Variants in NEBL observed in about 807,000 individuals in gnomAD.
NEBL encodes the protein nebulette.
Under a neutral mutation model 140.2 loss-of-function variants are expected in NEBL, and 122 were observed. That is an observed-to-expected ratio of 0.87 (90% CI 0.75 to 1.01). The LOEUF (loss-of-function observed/expected upper bound fraction) is 1.01. NEBL is among the 50% of genes least tolerant of loss of function. NEBL has a pLI of 0.00. For synonymous variants in NEBL, 436 were observed against 398.9 expected (o/e 1.09, Z -1.11); for missense variants, 1,365 against 1,231.3 (o/e 1.11, Z -1.62).
chr10:21,135,331 C>A (rs1839303310), intron 2 of NEBL, among the ~76,000 whole-genome samples: 1 of 152,186 alleles, frequency 6.6e-6, no homozygotes, highest in Middle Eastern at 3.2e-3. Flanking sequence ...CCCTTAACTC[C>A]TTTGTGTGGT....
At chr10:20,885,669 C>G (rs549145525) in intron 4 of NEBL, among the ~76,000 whole-genome samples, 28 of 152,274 alleles carry the variant, frequency 1.8e-4, no homozygotes, top group African/African-American at 6.0e-4. Flanking sequence ...ATGGAAACAT[C>G]GGAAAAGTTA....
chr10:20,890,203 A>G (rs1296223527), intron 2 of NEBL, among the ~76,000 whole-genome samples: 1 of 152,156 alleles, frequency 6.6e-6, no homozygotes, highest in African/African-American at 2.4e-5. Flanking sequence ...CGTGCTGGCT[A>G]CGGGTGATGG....
At chr10:21,128,017 G>C (rs1838918517) in intron 2 of NEBL, among the ~76,000 whole-genome samples, 1 of 152,120 alleles carries the variant, frequency 6.6e-6, no homozygotes, top group African/African-American at 2.4e-5. Flanking sequence ...TATTTGTTAG[G>C]AAAGCATACT....
intron 4 of NEBL, among the ~76,000 whole-genome samples, chr10:20,928,472 A>AT (rs1257674677): frequency 6.6e-6 from 1 of 152,188 alleles, no homozygotes; most frequent in Non-Finnish European, 1.5e-5. Flanking sequence ...GAGACTGGAG[A>AT]TGTGCAGAAA....
chr10:20,902,482 TGA>T (rs973453817), intron 4 of NEBL, among the ~76,000 whole-genome samples: 22 of 152,006 alleles, frequency 1.4e-4, no homozygotes, highest in Non-Finnish European at 2.1e-4. Context: ...CACTCACAAA[TGA>T]GAGCTACATA....
chr10:20,853,575 C>T (rs1842751393), intron 9 of NEBL, among the ~76,000 whole-genome samples: 2 of 152,174 alleles, frequency 1.3e-5, no homozygotes, highest in African/African-American at 4.8e-5. Context: ...ACAGATTTCA[C>T]ATGTTCTCAC....
At chr10:20,900,622 G>A (rs1015266963), upstream of NEBL, among the ~76,000 whole-genome samples, 8 of 149,530 alleles carry the variant, frequency 5.4e-5, no homozygotes, top group East Asian at 2.0e-4. Context: ...TCAGGAGTTC[G>A]AGACCAGCCT....
At chr10:20,804,257 T>C (rs1181927413) in intron 26 of NEBL, 2 of 152,280 alleles carry the variant, frequency 1.3e-5, no homozygotes, top group Non-Finnish European at 1.5e-5. Flanking sequence ...TCTCTAGTAG[T>C]TAGAGAGGGT....
intron 3 of NEBL, among the ~76,000 whole-genome samples, chr10:21,227,709 T>A (rs1327743325): frequency 2.4e-5 from 2 of 82,414 alleles, no homozygotes; most frequent in East Asian, 6.1e-4. Flanking sequence ...TTCTTCTTCT[T>A]CTTTCTTCTT....
At chr10:21,227,010 T>C (rs753998870) in intron 3 of NEBL, among the ~76,000 whole-genome samples, 2 of 152,112 alleles carry the variant, frequency 1.3e-5, no homozygotes, top group Non-Finnish European at 2.9e-5. Flanking sequence ...CACTCTGGAG[T>C]TGGAATAAGG....
chr10:20,890,003 G>A lies in NEBL; in HGVS notation c.154-54C>T, dbSNP rs569714322. The stretch of plus-strand genomic sequence containing the variant: ...GAGAAAAAGAAAAACAATTCTAATG[G>A]CCTTTTTTGAATGATAATTAGGTTG... On this transcript the variant is annotated intron_variant, in intron 2 of 27. Transcript: ENST00000377122. 8.5e-6 allele frequency: 10 copies of A among 1,173,684 alleles called. No individual in the cohort carries two copies. In the African/African-American group the frequency reaches 1.4e-4, roughly 16 times the overall value. The allele number at this position is 1,173,684 out of a possible 1,614,324, so 72.7% of individuals were successfully genotyped here. A position where few individuals can be genotyped will look rare whatever the true frequency, so the allele number is the denominator to read the frequency against.
intron 2 of NEBL, among the ~76,000 whole-genome samples, chr10:21,151,351 A>G (rs908388527): frequency 2.0e-5 from 3 of 152,206 alleles, no homozygotes; most frequent in African/African-American, 4.8e-5. Context: ...CCATGGCTTC[A>G]TGATAACTCT....
chr10:20,859,861 C>T (rs752214677), intron 7 of NEBL, 35 bp from the exon 8 acceptor site: 4 of 992,158 alleles, frequency 4.0e-6, no homozygotes, highest in Non-Finnish European at 6.3e-6. Flanking sequence ...TGTAACTTTA[C>T]ATTTAAAAGT....
chr10:21,157,150 T>C (rs1233362811), intron 2 of NEBL, among the ~76,000 whole-genome samples: 1 of 152,180 alleles, frequency 6.6e-6, no homozygotes, highest in Non-Finnish European at 1.5e-5. Flanking sequence ...GATATGCATG[T>C]CAAAGGAAGA....
chr10:21,124,685 G>T lies in NEBL; in HGVS notation c.164+47698C>A, dbSNP rs539561284. ...AATAAAAACAAGGCCGAGCATAGTG[G>T]GTCATAGCTGGAATCGCAGCACTTT... On this transcript the variant is annotated intron_variant, in intron 2 of 6. Transcript: ENST00000417816. 2.0e-5 allele frequency among the ~76,000 whole-genome samples: 3 copies of T among 152,338 alleles called. No homozygotes were observed. The South Asian group carries it at 6.2e-4, about 32-fold the overall frequency.
chr10:21,243,031 CT>C (rs1842460981), intron 3 of NEBL, among the ~76,000 whole-genome samples: 1 of 152,102 alleles, frequency 6.6e-6, no homozygotes, highest in Non-Finnish European at 1.5e-5. Flanking sequence ...AGCCTTTGAC[CT>C]TTGCTTTTGC....
intron 1 of NEBL, among the ~76,000 whole-genome samples, chr10:21,277,210 T>TC (rs931713077): frequency 2.1e-5 from 3 of 145,886 alleles, no homozygotes; most frequent in African/African-American, 7.5e-5. Context: ...ATTTCTTTCT[T>TC]TTTTTTTTTT....
intron 1 of NEBL, among the ~76,000 whole-genome samples, chr10:21,263,907 G>A (rs774547656): frequency 2.0e-5 from 3 of 152,316 alleles, no homozygotes; most frequent in South Asian, 2.1e-4. Flanking sequence ...AGAGGTTGCC[G>A]TGAGCCAAGA....
chr10:21,025,467 G>C (rs1271144271), intron 2 of NEBL, among the ~76,000 whole-genome samples: 2 of 152,166 alleles, frequency 1.3e-5, no homozygotes, highest in Non-Finnish European at 2.9e-5. Flanking sequence ...TTAGGTCACA[G>C]AAAGATGACT....
Sources: gnomAD v4.1 joint callset for allele counts (sites outside exome capture counted in the v4.1 genomes callset) on GRCh38, gnomAD v4.1.1 for gene constraint, MANE v1.5 for transcripts, NCBI Gene and HGNC (gene_info 2026-07-23, HGNC 2026-07-21) for gene names.